Variants in KCNJ6 observed in about 807,000 individuals in gnomAD.
The protein encoded by KCNJ6 is potassium inwardly rectifying channel subfamily J member 6.
A neutral mutation model predicts 34.2 loss-of-function variants in KCNJ6; 9 were observed. The ratio of observed to expected loss-of-function variants is 0.26; its 90% CI spans 0.16 to 0.46. The LOEUF is 0.46. Ranked by LOEUF, KCNJ6 falls within the 20% of genes least tolerant of loss-of-function variation. KCNJ6 has a pLI of 1.00. For synonymous variants in KCNJ6, 196 were observed against 207.1 expected, an observed-to-expected ratio of 0.95 and a Z score of 0.46; for missense variants, 236 against 531.3, an observed-to-expected ratio of 0.44 and a Z score of 5.46.
chr21:37,853,469 A>G (rs1047440392), intron 1 of KCNJ6, among the ~76,000 whole-genome samples: 4 of 152,164 alleles, frequency 2.6e-5, no homozygotes, highest in African/African-American at 9.7e-5. Context: ...CAAGGCACTC[A>G]GGCATTTTCA....
Position 37,715,017 on chromosome 21 carries a change from T to C in KCNJ6, c.140A>G (p.Asp47Gly). The change falls in exon 3 of 4, where the codon GAT (aspartate) becomes GGT (glycine). Residue 47 changes from aspartate (D) to glycine (G), a missense_variant. By Grantham distance (94) the Asp-to-Gly change is moderately conservative. Around this residue, in one of 5 missense-constraint regions of KCNJ6, gnomAD observed 64 missense variants for 68.9 expected, o/e 0.93. Coordinates refer to ENST00000609713, the MANE Select transcript of KCNJ6 (RefSeq NM_002240.5). Reference protein sequence around the residue: ...RDDLPRHISRDRTKRKIQRYV... With the variant: ...RDDLPRHISRGRTKRKIQRYV... ...CCTCTGGATTTTCCTTTTGGTCCGATCTCGGCTGATGTGTCTTGGCAGGTC... is the reference window on the plus strand; with the variant it reads ...CCTCTGGATTTTCCTTTTGGTCCGACCTCGGCTGATGTGTCTTGGCAGGTC... The C allele has an allele frequency of 6.2e-7, 1 of 1,614,226 alleles. No homozygotes were observed. Among genetic ancestry groups the C allele is most frequent in the South Asian group, 1.1e-5 (1 of 91,090 alleles).
chr21:37,615,232 A>C lies in KCNJ6; in HGVS notation c.*9927T>G, dbSNP rs997312087. 2.2e-5 allele frequency: 3 copies of C among 136,848 alleles called. No homozygotes were observed. In the Admixed American group the frequency reaches 2.4e-4, roughly 11 times the overall value. 8.5% of individuals were successfully genotyped at this position (136,848 alleles called of 1,614,324 possible). ...TTCTGAAATCAGACCCTCGACTGAC[A>C]TTCCCAGCATTCTTTTTTTTTTTTT... On this transcript the variant is annotated 3_prime_UTR_variant, in exon 4 of 4. Coordinates refer to ENST00000609713, the MANE Select transcript of KCNJ6 (RefSeq NM_002240.5).
At chr21:37,800,671 C>T (rs1192955081) in intron 2 of KCNJ6, among the ~76,000 whole-genome samples, 5 of 152,182 alleles carry the variant, frequency 3.3e-5, no homozygotes, top group Non-Finnish European at 7.4e-5. Flanking sequence ...GCTGATAACC[C>T]TTGATAAGCA....
At chr21:37,692,651 T>G (rs1294692863) in intron 3 of KCNJ6, among the ~76,000 whole-genome samples, 1 of 152,224 alleles carries the variant, frequency 6.6e-6, no homozygotes, top group Non-Finnish European at 1.5e-5. Flanking sequence ...AAATAGAGTT[T>G]AGGTTCTGGC....
intron 3 of KCNJ6, among the ~76,000 whole-genome samples, chr21:37,701,959 A>C (rs1056549465): frequency 6.6e-6 from 1 of 152,146 alleles, no homozygotes; most frequent in Non-Finnish European, 1.5e-5. Flanking sequence ...TGGGCCGGGC[A>C]CGGTGGCTCA....
At chr21:37,689,802 G>A (rs1281365617) in intron 3 of KCNJ6, among the ~76,000 whole-genome samples, 1 of 151,798 alleles carries the variant, frequency 6.6e-6, no homozygotes, top group African/African-American at 2.4e-5. Context: ...CAAGGGACGT[G>A]GTGGGCTGGG....
chr21:37,795,847 T>C (rs890087386), intron 2 of KCNJ6, among the ~76,000 whole-genome samples: 3 of 152,084 alleles, frequency 2.0e-5, no homozygotes, highest in Non-Finnish European at 4.4e-5. Flanking sequence ...AAGAATGTTT[T>C]TGAGGTGGTA....
At chr21:37,650,644 A>G (rs567877445) in intron 3 of KCNJ6, among the ~76,000 whole-genome samples, 11 of 152,268 alleles carry the variant, frequency 7.2e-5, no homozygotes, top group African/African-American at 2.6e-4. Context: ...ATCCTGCTTC[A>G]TCTATTGTCT....
At chr21:37,881,730 C>G (rs1194879237) in intron 1 of KCNJ6, among the ~76,000 whole-genome samples, 1 of 152,144 alleles carries the variant, frequency 6.6e-6, no homozygotes, top group African/African-American at 2.4e-5. Flanking sequence ...TGGGCCCCAC[C>G]TTCATTACCT....
At chr21:37,867,044 C>G (rs538600340) in intron 1 of KCNJ6, among the ~76,000 whole-genome samples, 1 of 152,174 alleles carries the variant, frequency 6.6e-6, no homozygotes, top group Non-Finnish European at 1.5e-5. Context: ...GGTGGATGCT[C>G]AAATAATATC....
chr21:37,785,798 A>C (rs2055189954), intron 2 of KCNJ6, among the ~76,000 whole-genome samples: 1 of 152,184 alleles, frequency 6.6e-6, no homozygotes, highest in African/African-American at 2.4e-5. Context: ...TGGTACTAGG[A>C]GGTAGAGCCA....
chr21:37,657,375 T>C (rs2054468976), intron 3 of KCNJ6, among the ~76,000 whole-genome samples: 1 of 152,114 alleles, frequency 6.6e-6, no homozygotes, highest in South Asian at 2.1e-4. Context: ...CCATTTGTGC[T>C]CTTGTTCTGG....
chr21:37,719,597 T>C (rs915390043), intron 2 of KCNJ6: 2 of 152,200 alleles, frequency 1.3e-5, no homozygotes, highest in African/African-American at 4.8e-5. Flanking sequence ...TTACTTGACT[T>C]TGAGAGTAGC....
intron 1 of KCNJ6, among the ~76,000 whole-genome samples, chr21:37,893,423 G>A (rs1743910521): frequency 6.6e-6 from 1 of 151,142 alleles, no homozygotes; most frequent in African/African-American, 2.4e-5. Flanking sequence ...GGCCAGGCTG[G>A]TCTTGAACTC....
At chr21:37,634,725 A>T (rs534697337) in intron 3 of KCNJ6, among the ~76,000 whole-genome samples, 1 of 152,148 alleles carries the variant, frequency 6.6e-6, no homozygotes, top group East Asian at 1.9e-4. Flanking sequence ...AATAAGCATA[A>T]GTGAATAATA....
intron 1 of KCNJ6, among the ~76,000 whole-genome samples, chr21:37,853,846 G>GTGTGTGTATA (rs71198897): frequency 3.4e-5 from 4 of 115,992 alleles, no homozygotes; most frequent in African/African-American, 1.6e-4. Flanking sequence ...ATATATATAT[G>GTGTGTGTATA]TATATATATA....
intron 3 of KCNJ6, among the ~76,000 whole-genome samples, chr21:37,682,396 T>G (rs574386040): frequency 6.6e-6 from 1 of 152,278 alleles, no homozygotes; most frequent in African/African-American, 2.4e-5. Flanking sequence ...AATTAAACTA[T>G]TGAAAGCACT....
intron 3 of KCNJ6, among the ~76,000 whole-genome samples, chr21:37,692,335 T>C (rs1429128583): frequency 3.9e-5 from 6 of 152,198 alleles, no homozygotes; most frequent in Non-Finnish European, 8.8e-5. Context: ...ATTTTTTTTT[T>C]CCTTCAGAAT....
chr21:37,635,535 G>C (rs552933498), intron 3 of KCNJ6, among the ~76,000 whole-genome samples: 1 of 149,590 alleles, frequency 6.7e-6, no homozygotes, highest in South Asian at 2.1e-4. Flanking sequence ...TTGTTTTTTT[G>C]AGACAGGGTC....
Sources: allele counts gnomAD v4.1 joint callset (sites outside exome capture counted in the v4.1 genomes callset), GRCh38; gene constraint gnomAD v4.1.1; regional missense constraint gnomAD v4.1.1; transcripts MANE v1.5; gene names NCBI Gene and HGNC (gene_info 2026-07-23, HGNC 2026-07-21).